Variants in PDE4D observed in about 807,000 individuals in gnomAD.
The protein encoded by PDE4D is phosphodiesterase 4D, also known as 3',5'-cyclic-AMP phosphodiesterase 4D.
In PDE4D, 24 loss-of-function variants were observed where a neutral mutation model predicts 87.4. The observed-to-expected ratio is 0.27, with a 90% CI of 0.20 to 0.39. The LOEUF (loss-of-function observed/expected upper bound fraction) is 0.39, where lower values mean the gene tolerates loss of function less well. Ranked by LOEUF, PDE4D falls within the 10% of genes least tolerant of loss-of-function variation. The pLI, the probability that PDE4D is intolerant of heterozygous loss-of-function variation, is 1.00. For synonymous variants in PDE4D, 384 were observed against 383.2 expected, an observed-to-expected ratio of 1.00 and a Z score of -0.02; for missense variants, 714 against 1,041.0, an observed-to-expected ratio of 0.69 and a Z score of 4.32.
intron 1 of PDE4D, among the ~76,000 whole-genome samples, chr5:59,578,006 A>G (rs1440996825): frequency 6.6e-6 from 1 of 152,116 alleles, no homozygotes; most frequent in Non-Finnish European, 1.5e-5. Flanking sequence ...TGACACTTTC[A>G]AGTAAGCTTC....
At chr5:59,990,551 AG>A (rs1164077099) in intron 2 of PDE4D, among the ~76,000 whole-genome samples, 14 of 148,632 alleles carry the variant, frequency 9.4e-5, no homozygotes, top group South Asian at 2.2e-4. Context: ...ACAAAAAAAA[AG>A]AGGTCAAAGC....
chr5:59,497,181 A>G (rs1360261297), intron 1 of PDE4D, among the ~76,000 whole-genome samples: 3 of 152,152 alleles, frequency 2.0e-5, no homozygotes, highest in African/African-American at 7.2e-5. Context: ...AAAATCAACA[A>G]GCTCCATCCA....
chr5:59,566,534 A>ATGTG (rs34584672), intron 1 of PDE4D, among the ~76,000 whole-genome samples: 97 of 140,802 alleles, frequency 6.9e-4, no homozygotes, highest in African/African-American at 2.1e-3. Flanking sequence ...TCACAGTTTC[A>ATGTG]TGTGTGTGTG....
At chr5:60,049,746 G>T (rs953226647) in intron 2 of PDE4D, among the ~76,000 whole-genome samples, 1 of 152,180 alleles carries the variant, frequency 6.6e-6, no homozygotes, top group Admixed American at 6.5e-5. Context: ...GCTGCATGCT[G>T]GGAGAACCAC....
At chr5:59,095,866 G>C (rs1769604293) in intron 5 of PDE4D, among the ~76,000 whole-genome samples, 1 of 152,158 alleles carries the variant, frequency 6.6e-6, no homozygotes, top group Non-Finnish European at 1.5e-5. Context: ...ACAGAATTCA[G>C]GCTAAGCTGC....
At chr5:60,228,650 G>A (rs553060854) in intron 1 of PDE4D, among the ~76,000 whole-genome samples, 1 of 151,904 alleles carries the variant, frequency 6.6e-6, no homozygotes, top group Non-Finnish European at 1.5e-5. Context: ...GATTAAGAAG[G>A]CCTGGAAATT....
chr5:60,433,785 G>A (rs1043975362), intron 1 of PDE4D, among the ~76,000 whole-genome samples: 1 of 152,230 alleles, frequency 6.6e-6, no homozygotes, highest in African/African-American at 2.4e-5. Context: ...CATGTATGCG[G>A]CTGGAGGCCA....
At chr5:60,496,388 T>C (rs1412405438) in intron 1 of PDE4D, among the ~76,000 whole-genome samples, 1 of 152,184 alleles carries the variant, frequency 6.6e-6, no homozygotes. Context: ...TCTCCTGTCT[T>C]GGCTTCAGAA....
intron 1 of PDE4D, among the ~76,000 whole-genome samples, chr5:59,575,970 C>A (rs1393235523): frequency 6.6e-6 from 1 of 152,118 alleles, no homozygotes; most frequent in Non-Finnish European, 1.5e-5. Flanking sequence ...ATTTACTGAA[C>A]AAGAATGTGA....
chr5:59,243,308 G>A (rs949705823), intron 1 of PDE4D, among the ~76,000 whole-genome samples: 1 of 151,566 alleles, frequency 6.6e-6, no homozygotes, highest in African/African-American at 2.4e-5. Flanking sequence ...ATGGAACTGG[G>A]GCCTCAATTT....
chr5:59,476,105 C>G (rs1016448558), intron 1 of PDE4D, among the ~76,000 whole-genome samples: 2 of 152,012 alleles, frequency 1.3e-5, no homozygotes, highest in Non-Finnish European at 2.9e-5. Flanking sequence ...TCCCTTCCCT[C>G]TATTTTATGA....
chr5:59,934,233 C>T (rs965446240), intron 3 of PDE4D, among the ~76,000 whole-genome samples: 2 of 152,160 alleles, frequency 1.3e-5, no homozygotes, highest in African/African-American at 4.8e-5. Context: ...TCTCAAAGCG[C>T]TGGAAAGTTT....
chr5:60,082,231 G>A (rs868763456), intron 2 of PDE4D, among the ~76,000 whole-genome samples: 6 of 152,114 alleles, frequency 3.9e-5, no homozygotes, highest in Non-Finnish European at 8.8e-5. Context: ...GGTAATGAAG[G>A]CAGAGTCCTA....
At chr5:60,492,894 A>G (rs946743205), upstream of PDE4D, among the ~76,000 whole-genome samples, 1 of 152,118 alleles carries the variant, frequency 6.6e-6, no homozygotes, top group African/African-American at 2.4e-5. Context: ...AGTATAAAAA[A>G]AAAAGATTAA....
intron 1 of PDE4D, among the ~76,000 whole-genome samples, chr5:59,375,875 G>A (rs1378322216): frequency 2.6e-5 from 4 of 152,078 alleles, no homozygotes; most frequent in Admixed American, 2.6e-4. Context: ...ATGCAAGGTT[G>A]GTTCAACATA....
At chr5:60,273,018 G>A (rs553953678) in intron 1 of PDE4D, among the ~76,000 whole-genome samples, 1 of 152,156 alleles carries the variant, frequency 6.6e-6, no homozygotes, top group Non-Finnish European at 1.5e-5. Flanking sequence ...TGGGTATTTT[G>A]TTTATTAATA....
Position 59,253,610 on chromosome 5 carries a change from A to C in PDE4D, c.456-37642T>G, listed in dbSNP as rs115215213. Among the ~76,000 whole-genome samples the C allele has an allele frequency of 5.9e-3, 893 of 152,280 alleles. 11 individuals carry two copies. The highest frequency in any genetic ancestry group is 0.02 in the African/African-American group (851 of 41,566). On this transcript the variant is annotated intron_variant, in intron 1 of 14. Transcript: ENST00000340635. ...CTCAAAGGGACTTTTAACTCTAAGTAAAGTCTGTTTATGAATTTCTGATAA... is the reference window on the plus strand; with the variant it reads ...CTCAAAGGGACTTTTAACTCTAAGTCAAGTCTGTTTATGAATTTCTGATAA...
intron 3 of PDE4D, among the ~76,000 whole-genome samples, chr5:59,954,490 C>A (rs1393580709): frequency 1.3e-5 from 2 of 151,786 alleles, no homozygotes; most frequent in South Asian, 2.1e-4. Flanking sequence ...AAGATTTAGA[C>A]CTAAAATTGT....
rs1326809208 is a variant in PDE4D at position 59,987,441 on chromosome 5, T to C, written c.272+1047A>G. 3 of 152,156 alleles carry C rather than the reference T, an allele frequency of 2.0e-5. 1 individual carries two copies. The highest frequency in any genetic ancestry group is 2.0e-4 in the Admixed American group (3 of 15,264). The allele number at this position is 152,156 out of a possible 1,614,324, so 9.4% of individuals were successfully genotyped here. A position where few individuals can be genotyped will look rare whatever the true frequency, so the allele number is the denominator to read the frequency against. ...TATTTATCTAGTAGTATTTTCCTCA[T>C]ACCTTTTTCTAACACAGGTCCCTTA... On this transcript the variant is annotated intron_variant, in intron 3 of 16. Transcript: ENST00000502484.
Sources: gnomAD v4.1 joint callset for allele counts (sites outside exome capture counted in the v4.1 genomes callset) on GRCh38, gnomAD v4.1.1 for gene constraint, MANE v1.5 for transcripts, NCBI Gene and HGNC (gene_info 2026-07-23, HGNC 2026-07-21) for gene names.